Variants in SLC24A3 observed in about 807,000 individuals in gnomAD.
SLC24A3 encodes the protein solute carrier family 24 member 3.
In SLC24A3, 28 loss-of-function variants were observed where a neutral mutation model predicts 75.8. That is an observed-to-expected ratio of 0.37 (90% CI 0.27 to 0.51). The LOEUF (loss-of-function observed/expected upper bound fraction) is 0.51, where lower values mean the gene tolerates loss of function less well. Ranked by LOEUF, SLC24A3 falls within the 20% of genes least tolerant of loss-of-function variation. The pLI is 0.94. For missense variants in SLC24A3, 663 were observed against 847.8 expected (o/e 0.78, Z 2.71); for synonymous variants, 372 against 334.1 (o/e 1.11, Z -1.24).
chr20:19,597,357 A>G (rs1202688856), intron 6 of SLC24A3, among the ~76,000 whole-genome samples: 1 of 152,208 alleles, frequency 6.6e-6, no homozygotes, highest in Non-Finnish European at 1.5e-5. Flanking sequence ...ACTGCACTCC[A>G]GCCTGGGCAA....
intron 2 of SLC24A3, among the ~76,000 whole-genome samples, chr20:19,511,918 T>C (rs1407395309): frequency 1.3e-5 from 2 of 152,168 alleles, no homozygotes; most frequent in East Asian, 1.9e-4. Context: ...CTCTTTGTTT[T>C]TCTTGAAGAA....
At chr20:19,640,900 A>G (rs1237242212) in intron 6 of SLC24A3, among the ~76,000 whole-genome samples, 2 of 152,200 alleles carry the variant, frequency 1.3e-5, no homozygotes, top group Admixed American at 6.5e-5. Context: ...TACAATTTGT[A>G]TGTTTGCATG....
intron 1 of SLC24A3, among the ~76,000 whole-genome samples, chr20:19,227,394 CTT>C (rs57215059): frequency 9.0e-5 from 13 of 144,606 alleles, no homozygotes; most frequent in East Asian, 5.9e-4. Flanking sequence ...CTTGTTCATT[CTT>C]TTTTTTTTTT....
chr20:19,676,014 C>T (rs1039467502), intron 9 of SLC24A3, among the ~76,000 whole-genome samples: 9 of 152,272 alleles, frequency 5.9e-5, no homozygotes, highest in African/African-American at 1.7e-4. Context: ...CTGGAAGAAT[C>T]GCCACACAGT....
intron 2 of SLC24A3, among the ~76,000 whole-genome samples, chr20:19,309,216 C>A (rs747738757): frequency 2.0e-5 from 3 of 152,218 alleles, no homozygotes; most frequent in Non-Finnish European, 2.9e-5. Context: ...TAGTGTCAGG[C>A]AGATCAGACT....
chr20:19,219,164 AG>A (rs938908801), intron 1 of SLC24A3, among the ~76,000 whole-genome samples: 1 of 152,174 alleles, frequency 6.6e-6, no homozygotes, highest in Admixed American at 6.5e-5. Context: ...CAGGTTTCCT[AG>A]GATTCCCCCT....
At chr20:19,643,453 G>A (rs925120388) in intron 6 of SLC24A3, among the ~76,000 whole-genome samples, 1 of 152,136 alleles carries the variant, frequency 6.6e-6, no homozygotes, top group Non-Finnish European at 1.5e-5. Context: ...GTCCAAGCCT[G>A]CGAATTGAAA....
At chr20:19,711,792 G>A (rs2032996580) in intron 15 of SLC24A3, among the ~76,000 whole-genome samples, 2 of 151,848 alleles carry the variant, frequency 1.3e-5, no homozygotes, top group Non-Finnish European at 2.9e-5. Flanking sequence ...GGTACGCATC[G>A]CCATGCCCAG....
At chr20:19,526,145 A>T (rs1160664280) in intron 3 of SLC24A3, among the ~76,000 whole-genome samples, 1 of 151,850 alleles carries the variant, frequency 6.6e-6, no homozygotes, top group Non-Finnish European at 1.5e-5. Context: ...CTTCCTACCC[A>T]CTGAGCCATG....
chr20:19,259,812 C>T (rs1481515768), intron 1 of SLC24A3, among the ~76,000 whole-genome samples: 2 of 152,206 alleles, frequency 1.3e-5, no homozygotes, highest in African/African-American at 4.8e-5. Flanking sequence ...TCACCATTAA[C>T]ATTTCACTCT....
At chr20:19,466,959 G>A (rs1393834934) in intron 2 of SLC24A3, among the ~76,000 whole-genome samples, 3 of 152,226 alleles carry the variant, frequency 2.0e-5, no homozygotes, top group Admixed American at 2.0e-4. Flanking sequence ...TGACCTCTGA[G>A]CTTGCATTCT....
chr20:19,491,092 T>C (rs1285377223), intron 2 of SLC24A3, among the ~76,000 whole-genome samples: 2 of 152,240 alleles, frequency 1.3e-5, no homozygotes, highest in African/African-American at 4.8e-5. Flanking sequence ...ATTTGAAGCA[T>C]GTGAACTTGC....
chr20:19,340,931 A>G (rs1985259004), intron 2 of SLC24A3, among the ~76,000 whole-genome samples: 1 of 152,192 alleles, frequency 6.6e-6, no homozygotes, highest in Non-Finnish European at 1.5e-5. Context: ...CCTTTTGTGA[A>G]GCAGCTGACT....
rs375392762 is a variant in SLC24A3 at position 19,388,449 on chromosome 20, C to T, written c.271+107362C>T. On this transcript the variant is annotated intron_variant, in intron 2 of 16. Coordinates refer to ENST00000328041, the MANE Select transcript of SLC24A3 (RefSeq NM_020689.4). ...ATCCTCAGCCTGGTGCGGTGGCTCA[C>T]GCCTGTAATCCCAGCACTTTGGGAG... Among the ~76,000 whole-genome samples the T allele has an allele frequency of 1.7e-4, 26 of 152,312 alleles. 2 individuals carry two copies. In the South Asian group the frequency reaches 5.0e-3, roughly 29 times the overall value.
chr20:19,572,360 A>T lies in SLC24A3; in HGVS notation c.349-7640A>T, dbSNP rs868257573. On this transcript the variant is annotated intron_variant, in intron 3 of 16. Transcript: ENST00000328041. Reference sequence around the variant, plus strand: ...GACCCCATCTCTAAAAGAAGAAAAAAAGAAAAAAACAGGTCCATAACCAAG... The same window carrying T: ...GACCCCATCTCTAAAAGAAGAAAAATAGAAAAAAACAGGTCCATAACCAAG... Among the ~76,000 whole-genome samples the T allele has an allele frequency of 6.1e-3, 928 of 152,274 alleles. 6 individuals carry two copies. Among genetic ancestry groups the T allele is most frequent in the Middle Eastern group, 0.031 (9 of 294 alleles).
rs2122929067 is a variant in SLC24A3 at position 19,212,924 on chromosome 20, T to G, written c.82T>G (p.Cys28Gly). 1 of 1,351,154 alleles carries G rather than the reference T, an allele frequency of 7.4e-7. No individual in the cohort carries two copies. Among genetic ancestry groups the G allele is most frequent in the East Asian group, 2.9e-5 (1 of 34,778 alleles). 83.7% of individuals were successfully genotyped at this position (1,351,154 alleles called of 1,614,324 possible). Residue 28 changes from cysteine to glycine, a missense_variant, in exon 1 of 17, where the codon TGC becomes GGC. Transcript: ENST00000328041. ...GAGGGACCTTCTGCTGAGCCAGCTC[T>G]GCTTCCTGGCCTCGGTGGCGCTGCT... ...RRRDLLLSQL[C>G]FLASVALLLW...
rs190446277 is a variant in SLC24A3 at position 19,389,265 on chromosome 20, A to G, written c.271+108178A>G. Among the ~76,000 whole-genome samples the G allele has an allele frequency of 1.3e-3, 200 of 152,260 alleles. 2 individuals carry two copies. Among genetic ancestry groups the G allele is most frequent in the Non-Finnish European group, 2.9e-4 (20 of 67,996 alleles). The stretch of plus-strand genomic sequence containing the variant: ...AACTAAAAGTGATTTATACACCACT[A>G]GTACAATATTAGAATACTCTCAATT... On this transcript the variant is annotated intron_variant, in intron 2 of 16. Coordinates refer to ENST00000328041, the MANE Select transcript of SLC24A3 (RefSeq NM_020689.4).
rs1224627213 is a variant in SLC24A3 at position 19,646,523 on chromosome 20, C to T, written c.613-7539C>T. ...TAAAATTAATGTGTAATGTTAACAA[C>T]GATAACAGTTAACATTGTAATTGCA... is the stretch of plus-strand genomic sequence containing the variant. On this transcript the variant is annotated intron_variant, in intron 6 of 16. Coordinates refer to ENST00000328041, the MANE Select transcript of SLC24A3 (RefSeq NM_020689.4). 2.0e-5 allele frequency among the ~76,000 whole-genome samples: 3 copies of T among 152,132 alleles called. No homozygotes were observed. The East Asian group carries it at 5.8e-4, about 29-fold the overall frequency.
chr20:19,619,610 C>T (rs1202977838), intron 6 of SLC24A3, among the ~76,000 whole-genome samples: 1 of 152,138 alleles, frequency 6.6e-6, no homozygotes, highest in African/African-American at 2.4e-5. Context: ...AGATAAAATC[C>T]AGCCACTCTC....
Sources: allele counts gnomAD v4.1 joint callset (sites outside exome capture counted in the v4.1 genomes callset), GRCh38; gene constraint gnomAD v4.1.1; transcripts MANE v1.5; gene names NCBI Gene and HGNC (gene_info 2026-07-23, HGNC 2026-07-21).